Variants in RBFOX1 observed in about 807,000 individuals in gnomAD.
RBFOX1 encodes the protein RNA binding fox-1 homolog 1.
In RBFOX1, 8 loss-of-function variants were observed where a neutral mutation model predicts 57.7. The observed-to-expected ratio is 0.14, with a 90% CI of 0.08 to 0.25. The LOEUF is 0.25. RBFOX1 is among the 10% of genes least tolerant of loss of function. The pLI is 1.00. For missense variants in RBFOX1, 611 were observed against 548.5 expected, an observed-to-expected ratio of 1.11 and a Z score of -1.14; for synonymous variants, 326 against 222.4, an observed-to-expected ratio of 1.47 and a Z score of -4.15.
At chr16:5,937,246 G>A (rs2059185369) in intron 4 of RBFOX1, among the ~76,000 whole-genome samples, 1 of 152,172 alleles carries the variant, frequency 6.6e-6, no homozygotes, top group Non-Finnish European at 1.5e-5. Context: ...TTCCTATAGT[G>A]TGTGGATTTA....
At chr16:6,917,628 A>G (rs191533237) in intron 3 of RBFOX1, among the ~76,000 whole-genome samples, 5 of 152,278 alleles carry the variant, frequency 3.3e-5, no homozygotes, top group Admixed American at 6.5e-5. Context: ...TCTACACCGA[A>G]GTGGGAGTTA....
At chr16:7,187,690 C>CAAAAAAAAAAA (rs536529201) in intron 4 of RBFOX1, among the ~76,000 whole-genome samples, 18 of 72,568 alleles carry the variant, frequency 2.5e-4, no homozygotes, top group East Asian at 4.8e-4. Flanking sequence ...CTCTGTCTCA[C>CAAAAAAAAAAA]AAAAAAAAAA....
intron 2 of RBFOX1, among the ~76,000 whole-genome samples, chr16:5,529,418 A>G (rs1296487828): frequency 7.0e-6 from 1 of 143,532 alleles, no homozygotes; most frequent in Non-Finnish European, 1.5e-5. Context: ...TTAATTTGAG[A>G]CAGGGTCTCC....
chr16:5,743,512 G>T (rs976746145), intron 3 of RBFOX1, among the ~76,000 whole-genome samples: 2 of 152,174 alleles, frequency 1.3e-5, no homozygotes, highest in South Asian at 2.1e-4. Context: ...CACTCAGCAC[G>T]TAAAACTGAC....
chr16:5,650,983 C>T (rs1176421785), intron 3 of RBFOX1, among the ~76,000 whole-genome samples: 2 of 145,824 alleles, frequency 1.4e-5, no homozygotes, highest in African/African-American at 5.2e-5. Context: ...TCCTTCCTTG[C>T]TGTCCCTTCT....
At chr16:6,612,408 CAT>C (rs2098074400) in intron 2 of RBFOX1, among the ~76,000 whole-genome samples, 1 of 152,178 alleles carries the variant, frequency 6.6e-6, no homozygotes, top group Non-Finnish European at 1.5e-5. Flanking sequence ...ATCATGTATG[CAT>C]ATGTGTGTAT....
chr16:6,860,038 G>C (rs761402463), intron 3 of RBFOX1, among the ~76,000 whole-genome samples: 1 of 152,174 alleles, frequency 6.6e-6, no homozygotes, highest in Non-Finnish European at 1.5e-5. Context: ...GGTACCTGAT[G>C]GAACGAGCTA....
At chr16:7,665,075 G>C in intron 13 of RBFOX1, 107 bp downstream of exon 13, 1 of 1,602,470 alleles carries the variant, frequency 6.2e-7, no homozygotes, top group Admixed American at 1.7e-5. Flanking sequence ...TTCTCTCCTT[G>C]GTCTGTAGGA....
chr16:7,111,253 A>G lies in RBFOX1; in HGVS notation c.27+59155A>G, dbSNP rs190279892. Among the ~76,000 whole-genome samples the G allele has an allele frequency of 3.1e-4, 47 of 152,298 alleles. 1 individual carries two copies. The highest frequency in any genetic ancestry group is 1.1e-3 in the African/African-American group (44 of 41,574). On this transcript the variant is annotated intron_variant, in intron 4 of 15. Coordinates refer to ENST00000550418, the MANE Select transcript of RBFOX1 (RefSeq NM_018723.4). The stretch of plus-strand genomic sequence containing the variant: ...AACTGAAGTATTTTAATTAACTTAC[A>G]CCGTAAAAGTGAAAGTGTAAAGCTT...
intron 4 of RBFOX1, among the ~76,000 whole-genome samples, chr16:6,009,075 A>G (rs2094944369): frequency 6.6e-6 from 1 of 151,970 alleles, no homozygotes. Flanking sequence ...ACGTGCTATC[A>G]TAAGGCATAT....
At chr16:5,432,048 G>T (rs978680036) in intron 1 of RBFOX1, among the ~76,000 whole-genome samples, 5 of 152,140 alleles carry the variant, frequency 3.3e-5, no homozygotes, top group Non-Finnish European at 5.9e-5. Flanking sequence ...TCTCCTGGAG[G>T]TAATAAAGAC....
At chr16:7,363,003 C>T (rs375344759) in intron 4 of RBFOX1, among the ~76,000 whole-genome samples, 2 of 152,154 alleles carry the variant, frequency 1.3e-5, no homozygotes, top group African/African-American at 4.8e-5. Flanking sequence ...GGATGAGACC[C>T]ACATGGAATG....
chr16:6,970,613 C>T (rs975134936), intron 3 of RBFOX1, among the ~76,000 whole-genome samples: 2 of 152,170 alleles, frequency 1.3e-5, no homozygotes, highest in Admixed American at 6.5e-5. Context: ...AGCACTCCCT[C>T]CTGCCTCTTT....
intron 4 of RBFOX1, among the ~76,000 whole-genome samples, chr16:7,365,321 T>C (rs1347057544): frequency 6.6e-6 from 1 of 152,222 alleles, no homozygotes; most frequent in African/African-American, 2.4e-5. Context: ...GTAGAGTATA[T>C]CTGAGACTGA....
intron 3 of RBFOX1, among the ~76,000 whole-genome samples, chr16:5,656,342 T>C (rs1480694493): frequency 3.3e-5 from 5 of 152,216 alleles, no homozygotes; most frequent in Admixed American, 3.3e-4. Context: ...GTTATTTTTG[T>C]TGTTAATATA....
At chr16:5,896,633 C>T (rs1052277028) in intron 4 of RBFOX1, among the ~76,000 whole-genome samples, 1 of 152,124 alleles carries the variant, frequency 6.6e-6, no homozygotes, top group Admixed American at 6.5e-5. Flanking sequence ...TCAGGTATTC[C>T]TTTATGTTAT....
chr16:6,444,264 G>A (rs191329278), intron 2 of RBFOX1, among the ~76,000 whole-genome samples: 62 of 152,124 alleles, frequency 4.1e-4, no homozygotes, highest in Admixed American at 2.4e-3. Flanking sequence ...CCCAGGACCC[G>A]GCACAATGCC....
At chr16:7,449,555 T>C (rs1419752680) in intron 4 of RBFOX1, among the ~76,000 whole-genome samples, 8 of 152,112 alleles carry the variant, frequency 5.3e-5, no homozygotes, top group African/African-American at 1.7e-4. Flanking sequence ...CATTGTTTGT[T>C]TACTTGTTTA....
At chr16:7,081,153 G>C (rs2059135300) in intron 4 of RBFOX1, among the ~76,000 whole-genome samples, 1 of 152,156 alleles carries the variant, frequency 6.6e-6, no homozygotes. Flanking sequence ...TCCTGCCTCA[G>C]CCTCCCAAGT....
Sources: allele counts gnomAD v4.1 joint callset (sites outside exome capture counted in the v4.1 genomes callset), GRCh38; gene constraint gnomAD v4.1.1; transcripts MANE v1.5; gene names NCBI Gene and HGNC (gene_info 2026-07-23, HGNC 2026-07-21).